The following LITAF variants were observed in gnomAD, a reference collection of about 807,000 sequenced individuals.
LITAF encodes the protein lipopolysaccharide-induced tumor necrosis factor-alpha factor.
A neutral mutation model predicts 14.5 loss-of-function variants in LITAF; 9 were observed. The observed-to-expected ratio is 0.62, with a 90% confidence interval of 0.37 to 1.08. LITAF has a LOEUF of 1.08. LITAF is among the 50% of genes least tolerant of loss of function. The pLI, the probability that LITAF is intolerant of heterozygous loss-of-function variation, is 0.01. For missense variants in LITAF, 206 were observed against 213.4 expected, an observed-to-expected ratio of 0.97 and a Z score of 0.22; for synonymous variants, 98 against 88.2, an observed-to-expected ratio of 1.11 and a Z score of -0.62.
chr16:11,559,074 C>A (rs904369186), intron 1 of LITAF, among the ~76,000 whole-genome samples: 4 of 151,824 alleles, frequency 2.6e-5, no homozygotes, highest in African/African-American at 9.7e-5. Flanking sequence ...ATAGTGATAC[C>A]CTCTCTCTAC....
chr16:11,551,990 GA>G (rs2064189429), intron 3 of LITAF, among the ~76,000 whole-genome samples: 1 of 152,046 alleles, frequency 6.6e-6, no homozygotes, highest in Non-Finnish European at 1.5e-5. Context: ...GCAAGAGGGG[GA>G]ATCAGGTGCC....
At chr16:11,562,297 G>A (rs1318650777) in intron 1 of LITAF, among the ~76,000 whole-genome samples, 1 of 124,898 alleles carries the variant, frequency 8.0e-6, no homozygotes, top group Non-Finnish European at 1.6e-5. Flanking sequence ...CTGGGTGACT[G>A]AGCGAGACTC....
chr16:11,570,029 C>CAA (rs61431032), intron 1 of LITAF, among the ~76,000 whole-genome samples: 12 of 122,818 alleles, frequency 9.8e-5, no homozygotes, highest in African/African-American at 1.8e-4. Flanking sequence ...GACTTTGCCT[C>CAA]AAAAAAAAAA....
upstream of LITAF, among the ~76,000 whole-genome samples, chr16:11,602,438 G>A (rs560904839): frequency 4.6e-5 from 7 of 152,144 alleles, no homozygotes; most frequent in Admixed American, 6.5e-5. Flanking sequence ...AAATGTTATG[G>A]AAAGCAGGCT....
At chr16:11,602,931 C>T (rs894659224), upstream of LITAF, among the ~76,000 whole-genome samples, 3 of 151,610 alleles carry the variant, frequency 2.0e-5, no homozygotes, top group Non-Finnish European at 2.9e-5. Flanking sequence ...GGCAACCCAG[C>T]GAGACCCCAT....
At chr16:11,577,600 A>G (rs919233583) in intron 1 of LITAF, among the ~76,000 whole-genome samples, 1 of 151,706 alleles carries the variant, frequency 6.6e-6, no homozygotes, top group Admixed American at 6.6e-5. Flanking sequence ...TTACAGGTGT[A>G]AGCCACCACA....
intron 3 of LITAF, among the ~76,000 whole-genome samples, chr16:11,618,421 T>G (rs1488832237): frequency 2.6e-5 from 4 of 152,126 alleles, no homozygotes; most frequent in African/African-American, 9.7e-5. Context: ...GTGGGAGCAG[T>G]CCTGTGGGAC....
In LITAF at chr16:11,553,485, C is replaced by T. The variant is rs2064214296; in HGVS notation, c.377+48G>A. The T allele has an allele frequency of 6.2e-7, 1 of 1,609,000 alleles. No individual in the cohort carries two copies. Among genetic ancestry groups the T allele is most frequent in the South Asian group, 1.1e-5 (1 of 90,822 alleles). ...TTGAGAACCCACCCCCGCCAGCACC[C>T]AGAGAGAAGGGCAGGATGGCTTGGG... On this transcript the variant is annotated intron_variant, in intron 3 of 3. Coordinates refer to ENST00000622633, the MANE Select transcript of LITAF (RefSeq NM_001136472.2). This position sits in a 1 kb window ranked among gnomAD's most constrained non-coding sequence, Gnocchi z 7.7.
chr16:11,608,218 A>T (rs887139589), intron 3 of LITAF, among the ~76,000 whole-genome samples: 1 of 152,210 alleles, frequency 6.6e-6, no homozygotes, highest in Non-Finnish European at 1.5e-5. Context: ...GTGGCCCAAG[A>T]TCACACCGCA....
exon 2 of LITAF, chr16:11,635,904 C>G (rs905327119): frequency 2.0e-5 from 3 of 152,256 alleles, no homozygotes; most frequent in African/African-American, 7.2e-5. Flanking sequence ...GACTCGGGCT[C>G]TGGGTAGCAC....
In LITAF at chr16:11,551,986, G is replaced by A. The variant is rs532163516; in HGVS notation, c.377+1547C>T. On this transcript the variant is annotated intron_variant, in intron 3 of 3. Coordinates refer to ENST00000622633, the MANE Select transcript of LITAF (RefSeq NM_001136472.2). ...CAACAGCAGAGTCCTGTGGGCAAGA[G>A]GGGGAATCAGGTGCCCAGAAAGCTG... Among the ~76,000 whole-genome samples, 169 of 152,226 alleles carry A rather than the reference G, an allele frequency of 1.1e-3. 1 individual carries two copies. The highest frequency in any genetic ancestry group is 3.8e-3 in the African/African-American group (157 of 41,540).
chr16:11,606,867 G>A (rs527485835), intron 3 of LITAF, among the ~76,000 whole-genome samples: 1 of 152,282 alleles, frequency 6.6e-6, no homozygotes, highest in Non-Finnish European at 1.5e-5. Flanking sequence ...TCGAACTCCT[G>A]ACCTCAGGTG....
chr16:11,613,319 G>A (rs1232558886), intron 3 of LITAF, among the ~76,000 whole-genome samples: 1 of 152,176 alleles, frequency 6.6e-6, no homozygotes, highest in East Asian at 1.9e-4. Context: ...CCCATGGGAT[G>A]GAGAGAGACG....
intron 3 of LITAF, among the ~76,000 whole-genome samples, chr16:11,606,442 T>G (rs576640896): frequency 3.7e-4 from 56 of 152,222 alleles, no homozygotes; most frequent in Non-Finnish European, 6.0e-4. Flanking sequence ...GTGCTGGGAT[T>G]ATAGATGTGA....
chr16:11,574,714 C>A (rs1304423954), intron 1 of LITAF, among the ~76,000 whole-genome samples: 5 of 152,068 alleles, frequency 3.3e-5, no homozygotes, highest in Non-Finnish European at 7.4e-5. Context: ...CTAATTATTT[C>A]TATTTGGTAA....
upstream of LITAF, among the ~76,000 whole-genome samples, chr16:11,637,097 G>A (rs568255376): frequency 7.9e-5 from 12 of 152,264 alleles, no homozygotes; most frequent in African/African-American, 2.9e-4. Flanking sequence ...CACCATGTTG[G>A]CCGGGCTGGT....
At chr16:11,560,329 G>A (rs9673818) in intron 1 of LITAF, among the ~76,000 whole-genome samples, 11,359 of 151,268 alleles carry the variant, frequency 0.075, 454 homozygotes, top group Middle Eastern at 0.12. Flanking sequence ...TAAATGTGGC[G>A]GCCAGGCACG....
At chr16:11,570,847 G>T (rs567787920) in intron 1 of LITAF, among the ~76,000 whole-genome samples, 2 of 152,152 alleles carry the variant, frequency 1.3e-5, no homozygotes, top group South Asian at 4.2e-4. Flanking sequence ...GGGTCTAGGG[G>T]GTTGAGGCTG....
At chr16:11,563,174 A>G (rs1464201560) in intron 1 of LITAF, among the ~76,000 whole-genome samples, 1 of 151,710 alleles carries the variant, frequency 6.6e-6, no homozygotes, top group Non-Finnish European at 1.5e-5. Flanking sequence ...TTTGAGTCAG[A>G]GTCTCACTCT....
Sources: gnomAD v4.1 joint callset for allele counts (sites outside exome capture counted in the v4.1 genomes callset) on GRCh38, gnomAD v4.1.1 for gene constraint, Gnocchi (gnomAD v3.1) non-coding constraint, MANE v1.5 for transcripts, NCBI Gene and HGNC (gene_info 2026-07-23, HGNC 2026-07-21) for gene names.